NRBP2: variants seen among roughly 807,000 people sequenced by gnomAD.
NRBP2 encodes nuclear receptor binding protein 2, also known as nuclear receptor-binding protein 2.
NRBP2 carries 47 observed loss-of-function variants against 74.4 expected under a neutral mutation model. The ratio of observed to expected loss-of-function variants is 0.63; its 90% CI spans 0.50 to 0.81. NRBP2 has a LOEUF of 0.81. NRBP2 is among the 30% of genes least tolerant of loss of function. NRBP2 has a pLI of 0.00. For missense variants in NRBP2, 613 were observed against 690.1 expected (o/e 0.89, Z 1.25); for synonymous variants, 312 against 273.8 (o/e 1.14, Z -1.38).
At position 143,837,418 on chromosome 8, in the gene NRBP2, C is replaced by A; in HGVS notation, c.1065G>T (p.Pro355=). ...TGCTGACTGCTCACCGCCACTGCAG[C>A]GGGGGCCTGCGGGGCCGGGGAAGCT... ...LAELPRPRRP[P]LQWRYSEVSF... The change falls in exon 12 of 18, where the codon CCG becomes CCT. Residue 355 remains proline, a synonymous_variant. Coordinates refer to ENST00000442628, the MANE Select transcript of NRBP2 (RefSeq NM_178564.4). This position sits in a 1 kb window ranked among gnomAD's most constrained non-coding sequence, Gnocchi z 4.3. 6.2e-7 allele frequency: 1 copy of A among 1,600,808 alleles called. No individual in the cohort carries two copies.
chr8:143,837,439 A>G lies in NRBP2; in HGVS notation c.1044T>C (p.Leu348=). 1 of 1,608,170 alleles carries G rather than the reference A, an allele frequency of 6.2e-7. No individual in the cohort carries two copies. The highest frequency in any genetic ancestry group is 8.5e-7 in the Non-Finnish European group (1 of 1,178,392). Residue 348 remains leucine, a synonymous_variant, in exon 12 of 18, where the codon CTT becomes CTC. Transcript: ENST00000442628. The surrounding 1 kb of genome is among the most constrained non-coding windows in gnomAD (Gnocchi z 4.3). ...AMDLHAVLAE[L]PRPRRPPLQW... ...GCAGCGGGGGCCTGCGGGGCCGGGG[A>G]AGCTCCGCCAAGACCGCGTGCAGGT...
Position 143,840,371 on chromosome 8 carries a change from G to A in NRBP2, c.130-142C>T, listed in dbSNP as rs1166476994. The stretch of plus-strand genomic sequence containing the variant: ...ACTCTGCGGGAAGGTGGGGCTTGGA[G>A]GGTAGCTGCCCCCAGGAGCCAAGGG... On this transcript the variant is annotated intron_variant, in intron 1 of 17. Transcript: ENST00000442628. This position sits in a 1 kb window ranked among gnomAD's most constrained non-coding sequence, Gnocchi z 5.7. The A allele has an allele frequency of 1.4e-5, 16 of 1,165,090 alleles. No individual in the cohort carries two copies. The African/African-American group carries it at 2.3e-4, about 17-fold the overall frequency. The allele number at this position is 1,165,090 out of a possible 1,614,324, so 72.2% of individuals were successfully genotyped here.
Position 143,839,331 on chromosome 8 carries a change from A to AGGCCGCGATC in NRBP2, c.562_563insGATCGCGGCC (p.Leu188ArgfsTer22). ...GCCAGCACCGGAGCCGATCTTGATG[A>AGGCCGCGATC]GGCCGTTGTGCTGAATGAAGATGGT... On this transcript the variant is annotated frameshift_variant, in exon 6 of 18. Coordinates refer to ENST00000442628, the MANE Select transcript of NRBP2 (RefSeq NM_178564.4). LOFTEE classifies it high-confidence loss of function. The surrounding 1 kb of genome is among the most constrained non-coding windows in gnomAD (Gnocchi z 5.1). 6.6e-7 allele frequency: 1 copy of AGGCCGCGATC among 1,504,614 alleles called. No individual in the cohort carries two copies. Among genetic ancestry groups the AGGCCGCGATC allele is most frequent in the Non-Finnish European group, 9.0e-7 (1 of 1,117,176 alleles). The allele number at this position is 1,504,614 out of a possible 1,614,324, so 93.2% of individuals were successfully genotyped here.
chr8:143,835,826 G>A lies in NRBP2; in HGVS notation c.1431C>T (p.Leu477=). The A allele has an allele frequency of 6.2e-7, 1 of 1,601,714 alleles. No individual in the cohort carries two copies. ...GCCGCACCGCCCAGCGCACCTCGTGGAGGAAGCCATAGTGCACGAGCTCCG... is the reference window on the plus strand; with the variant it reads ...GCCGCACCGCCCAGCGCACCTCGTGAAGGAAGCCATAGTGCACGAGCTCCG... ...LASELVHYGF[L]HEDDRMKLAA... Residue 477 remains leucine, a synonymous_variant, in exon 17 of 18, where the codon CTC becomes CTT. Coordinates refer to ENST00000442628, the MANE Select transcript of NRBP2 (RefSeq NM_178564.4). This position sits in a 1 kb window ranked among gnomAD's most constrained non-coding sequence, Gnocchi z 4.9.
At position 143,839,539 on chromosome 8, in the gene NRBP2, C is replaced by T; in HGVS notation, c.455G>A (p.Arg152His). 4 of 1,531,872 alleles carry T rather than the reference C, an allele frequency of 2.6e-6. No homozygotes were observed. Among genetic ancestry groups the T allele is most frequent in the Non-Finnish European group, 2.6e-6 (3 of 1,145,352 alleles). 94.9% of individuals were successfully genotyped at this position (1,531,872 alleles called of 1,614,324 possible). The change falls in exon 5 of 18, where the codon CGC becomes CAC. Residue 152 changes from arginine to histidine, a missense_variant. By Grantham distance (29) the Arg-to-His change is conservative. Transcript: ENST00000442628. The surrounding 1 kb of genome is among the most constrained non-coding windows in gnomAD (Gnocchi z 5.1). ...HKAMNARAWK[R>H]WCTQILSALS... ...CGCAGACAGGATCTGCGTGCACCAGCGCTTCCAGGCCTGGCGGCGGACGCA... is the reference window on the plus strand; with the variant it reads ...CGCAGACAGGATCTGCGTGCACCAGTGCTTCCAGGCCTGGCGGCGGACGCA...
Position 143,839,694 on chromosome 8 carries a change from C to A in NRBP2, c.444+42G>T. 1 of 1,533,022 alleles carries A rather than the reference C, an allele frequency of 6.5e-7. No individual in the cohort carries two copies. Among genetic ancestry groups the A allele is most frequent in the Non-Finnish European group, 8.7e-7 (1 of 1,145,804 alleles). 95.0% of individuals were successfully genotyped at this position (1,533,022 alleles called of 1,614,324 possible). A position where few individuals can be genotyped will look rare whatever the true frequency, so the allele number is the denominator to read the frequency against. ...ATCCCAGTCCCCGAGGCTGCCCCAA[C>A]CCCGTCCTGTCCCCGTGGCTGCCCC... On this transcript the variant is annotated intron_variant, in intron 4 of 17. Coordinates refer to ENST00000442628, the MANE Select transcript of NRBP2 (RefSeq NM_178564.4). The surrounding 1 kb of genome is among the most constrained non-coding windows in gnomAD (Gnocchi z 5.1).
chr8:143,836,755 C>A (rs1554651906), intron 14 of NRBP2, among the ~76,000 whole-genome samples: 1 of 150,794 alleles, frequency 6.6e-6, no homozygotes, highest in Non-Finnish European at 1.5e-5. Flanking sequence ...GTGGAAGAGC[C>A]CGGGTGAGTT....
rs1363181807 is a variant in NRBP2, at chr8:143,834,175, C to T, written c.*1487G>A. 2.0e-5 allele frequency: 3 copies of T among 152,240 alleles called. No homozygotes were observed. The highest frequency in any genetic ancestry group is 7.2e-5 in the African/African-American group (3 of 41,456). 9.4% of individuals were successfully genotyped at this position (152,240 alleles called of 1,614,324 possible). On this transcript the variant is annotated 3_prime_UTR_variant, in exon 18 of 18. Coordinates refer to ENST00000442628, the MANE Select transcript of NRBP2 (RefSeq NM_178564.4). ...GAGGAGGGAGATTATCATGTATTAT[C>T]TGGCTGGGCCCAACCTAATCTCATG...
In NRBP2 at chr8:143,840,609, G is replaced by A. The variant is rs544826581; in HGVS notation, c.129+97C>T. On this transcript the variant is annotated intron_variant, in intron 1 of 17. Coordinates refer to ENST00000442628, the MANE Select transcript of NRBP2 (RefSeq NM_178564.4). This position sits in a 1 kb window ranked among gnomAD's most constrained non-coding sequence, Gnocchi z 5.7. The stretch of plus-strand genomic sequence containing the variant: ...AGGGGCCGCGGAGAGGTTTCCAGCC[G>A]CCGCGCTCTCCCAGCGCCCCCACGC... 2 of 1,199,376 alleles carry A rather than the reference G, an allele frequency of 1.7e-6. No individual in the cohort carries two copies. Among genetic ancestry groups the A allele is most frequent in the Non-Finnish European group, 2.2e-6 (2 of 908,540 alleles). The allele number at this position is 1,199,376 out of a possible 1,614,324, so 74.3% of individuals were successfully genotyped here. A position where few individuals can be genotyped will look rare whatever the true frequency, so the allele number is the denominator to read the frequency against.
At chr8:143,836,455 C>A (rs1818393119) in intron 14 of NRBP2, among the ~76,000 whole-genome samples, 1 of 151,896 alleles carries the variant, frequency 6.6e-6, no homozygotes, top group Non-Finnish European at 1.5e-5. Flanking sequence ...TTGGGCGGGA[C>A]AGGACCGCGC....
chr8:143,835,866 G>A lies in NRBP2; in HGVS notation c.1391C>T (p.Ala464Val), dbSNP rs2130525165. 1 of 1,600,846 alleles carries A rather than the reference G, an allele frequency of 6.2e-7. No homozygotes were observed. Among genetic ancestry groups the A allele is most frequent in the East Asian group, 2.2e-5 (1 of 44,520 alleles). Reference sequence around the variant, plus strand: ...CACGAGCTCCGAGGCGAGGTCCTGGGCGCTGTCCGCTGAGGCAATGGCGTA... The same window carrying A: ...CACGAGCTCCGAGGCGAGGTCCTGGACGCTGTCCGCTGAGGCAATGGCGTA... ...LTYDLLPTDS[A>V]QDLASELVHY... The change falls in exon 17 of 18, where the codon GCC becomes GTC. Residue 464 changes from alanine (A) to valine (V), a missense_variant. This residue lies in a region of NRBP2 where 281 missense variants were observed against 260.9 expected (regional missense o/e 1.08). Transcript: ENST00000442628. This position sits in a 1 kb window ranked among gnomAD's most constrained non-coding sequence, Gnocchi z 4.9.
In NRBP2 at chr8:143,837,572, C is replaced by G; in HGVS notation, c.973+51G>C. On this transcript the variant is annotated intron_variant, in intron 11 of 17. Transcript: ENST00000442628. The surrounding 1 kb of genome is among the most constrained non-coding windows in gnomAD (Gnocchi z 4.3). Reference sequence around the variant, plus strand: ...CGTGGGTCCTGCAGGGCCCCTTCCACGTCCCAACCTCCACCTCCCCAGCCA... The same window carrying G: ...CGTGGGTCCTGCAGGGCCCCTTCCAGGTCCCAACCTCCACCTCCCCAGCCA... 2 of 1,595,312 alleles carry G rather than the reference C, an allele frequency of 1.3e-6. No homozygotes were observed. The highest frequency in any genetic ancestry group is 1.7e-6 in the Non-Finnish European group (2 of 1,171,798).
In NRBP2 at chr8:143,835,974, C is replaced by T. The variant is rs1554651571; in HGVS notation, c.1374G>A (p.Leu458=). 6.3e-7 allele frequency: 1 copy of T among 1,592,666 alleles called. No homozygotes were observed. The highest frequency in any genetic ancestry group is 8.5e-7 in the Non-Finnish European group (1 of 1,171,906). The part of the protein sequence containing the change: ...DRLHRQLTYD[L]LPTDSAQDLA... ...GTCCCCTGCCCAGCCTACTTGGGAGCAGGTCGTAGGTCAGCTGCCGGTGCA... is the reference window on the plus strand; with the variant it reads ...GTCCCCTGCCCAGCCTACTTGGGAGTAGGTCGTAGGTCAGCTGCCGGTGCA... Residue 458 remains leucine (L), a synonymous_variant, in exon 16 of 18, where the codon CTG becomes CTA. Coordinates refer to ENST00000442628, the MANE Select transcript of NRBP2 (RefSeq NM_178564.4). This position sits in a 1 kb window ranked among gnomAD's most constrained non-coding sequence, Gnocchi z 4.9.
Position 143,834,527 on chromosome 8 carries a change from A to G in NRBP2, c.*1135T>C, listed in dbSNP as rs1470706836. On this transcript the variant is annotated 3_prime_UTR_variant, in exon 18 of 18. Transcript: ENST00000442628. ...CAGACTTCCAGCCTACAGAATTGCAATAAATTTGTGTTAAGTCACTAAGTT... is the reference window on the plus strand; with the variant it reads ...CAGACTTCCAGCCTACAGAATTGCAGTAAATTTGTGTTAAGTCACTAAGTT... 3 of 152,246 alleles carry G rather than the reference A, an allele frequency of 2.0e-5. No individual in the cohort carries two copies. The highest frequency in any genetic ancestry group is 4.4e-5 in the Non-Finnish European group (3 of 68,046). The allele number at this position is 152,246 out of a possible 1,614,324, so 9.4% of individuals were successfully genotyped here.
rs1818479256 is a variant in NRBP2 at position 143,837,627 on chromosome 8, G to A, written c.969C>T (p.His323=). The A allele has an allele frequency of 6.2e-7, 1 of 1,600,978 alleles. No homozygotes were observed. Among genetic ancestry groups the A allele is most frequent in the South Asian group, 1.1e-5 (1 of 88,664 alleles). Residue 323 remains histidine, a synonymous_variant, in exon 11 of 18, where the codon CAC becomes CAT. Coordinates refer to ENST00000442628, the MANE Select transcript of NRBP2 (RefSeq NM_178564.4). This position sits in a 1 kb window ranked among gnomAD's most constrained non-coding sequence, Gnocchi z 4.3. The part of the protein sequence containing the change: ...KLLAAHCFIQ[H]QYLMPENVVE... ...CCGGGCCGGCCTGCTGCTCACACTGGTGCTGGATGAAGCAGTGGGCTGCCA... is the reference window on the plus strand; with the variant it reads ...CCGGGCCGGCCTGCTGCTCACACTGATGCTGGATGAAGCAGTGGGCTGCCA...
rs1250226742 is a variant in NRBP2, at chr8:143,840,495, G to A, written c.129+211C>T. 4 of 654,766 alleles carry A rather than the reference G, an allele frequency of 6.1e-6. No individual in the cohort carries two copies. The highest frequency in any genetic ancestry group is 7.6e-6 in the Non-Finnish European group (3 of 392,916). The allele number at this position is 654,766 out of a possible 1,614,324, so 40.6% of individuals were successfully genotyped here. A position where few individuals can be genotyped will look rare whatever the true frequency, so the allele number is the denominator to read the frequency against. ...GCGGCTGAGTCCAGAGGCATGGGGAGGTGGTCCTGGGAGGAGACTGGCCCT... is the reference window on the plus strand; with the variant it reads ...GCGGCTGAGTCCAGAGGCATGGGGAAGTGGTCCTGGGAGGAGACTGGCCCT... On this transcript the variant is annotated intron_variant, in intron 1 of 17. Transcript: ENST00000442628. This position sits in a 1 kb window ranked among gnomAD's most constrained non-coding sequence, Gnocchi z 5.7.
intron 14 of NRBP2, 111 bp from the exon 15 acceptor site, chr8:143,836,291 AG>A: frequency 7.2e-7 from 1 of 1,388,492 alleles, no homozygotes; most frequent in Non-Finnish European, 9.4e-7. Context: ...AATCTCTAAG[AG>A]GAGCCCATCT....
chr8:143,835,839 T>C lies in NRBP2; in HGVS notation c.1418A>G (p.His473Arg), dbSNP rs782725592. 3.1e-6 allele frequency: 5 copies of C among 1,602,024 alleles called. No individual in the cohort carries two copies. Among genetic ancestry groups the C allele is most frequent in the South Asian group, 2.2e-5 (2 of 90,086 alleles). Reference protein sequence around the residue: ...SAQDLASELVHYGFLHEDDRM... With the variant: ...SAQDLASELVRYGFLHEDDRM... ...GCGCACCTCGTGGAGGAAGCCATAG[T>C]GCACGAGCTCCGAGGCGAGGTCCTG... The change falls in exon 17 of 18, where the codon CAC becomes CGC. Residue 473 changes from histidine to arginine, a missense_variant. His to Arg is a conservative substitution (Grantham distance 29, BLOSUM62 0). Coordinates refer to ENST00000442628, the MANE Select transcript of NRBP2 (RefSeq NM_178564.4). The surrounding 1 kb of genome is among the most constrained non-coding windows in gnomAD (Gnocchi z 4.9).
Position 143,839,368 on chromosome 8 carries a change from G to A in NRBP2, c.526C>T (p.Leu176=). Reference sequence around the variant, plus strand: ...TGAATGAAGATGGTGTCGCTGGTCAGGTTCCCGTGGATGATTGGGGGGCTG... The same window carrying A: ...TGAATGAAGATGGTGTCGCTGGTCAAGTTCCCGTGGATGATTGGGGGGCTG... The part of the protein sequence containing the change: ...ACSPPIIHGN[L]TSDTIFIQHN... The change falls in exon 6 of 18, where the codon CTG becomes TTG. Residue 176 remains leucine (L), a synonymous_variant. Transcript: ENST00000442628. This position sits in a 1 kb window ranked among gnomAD's most constrained non-coding sequence, Gnocchi z 5.1. 6.3e-7 allele frequency: 1 copy of A among 1,590,324 alleles called. No individual in the cohort carries two copies. Among genetic ancestry groups the A allele is most frequent in the Non-Finnish European group, 8.5e-7 (1 of 1,175,492 alleles).
Sources: allele counts gnomAD v4.1 joint callset (sites outside exome capture counted in the v4.1 genomes callset), GRCh38; gene constraint gnomAD v4.1.1; regional missense constraint gnomAD v4.1.1; non-coding constraint Gnocchi (gnomAD v3.1); transcripts MANE v1.5; gene names NCBI Gene and HGNC (gene_info 2026-07-23, HGNC 2026-07-21).